The following EBF2 variants were observed in gnomAD, a reference collection of about 807,000 sequenced individuals.
EBF2 encodes EBF transcription factor 2, also known as transcription factor COE2.
EBF2 carries 21 observed loss-of-function variants against 72.8 expected under a neutral mutation model. That is an observed-to-expected ratio of 0.29 (90% CI 0.20 to 0.42). The LOEUF is 0.42. Ranked by LOEUF, EBF2 falls within the 10% of genes least tolerant of loss-of-function variation. EBF2 has a pLI of 1.00. For missense variants in EBF2, 637 were observed against 731.2 expected (o/e 0.87, Z 1.49); for synonymous variants, 299 against 274.2 (o/e 1.09, Z -0.89).
At chr8:25,986,102 A>G (rs886508889) in intron 6 of EBF2, among the ~76,000 whole-genome samples, 10 of 150,856 alleles carry the variant, frequency 6.6e-5, no homozygotes, top group African/African-American at 4.9e-5. Context: ...ATTTATTTGT[A>G]CAACACATAT....
intron 6 of EBF2, chr8:26,031,926 T>C (rs1805414005): frequency 6.6e-6 from 1 of 152,166 alleles, no homozygotes; most frequent in Non-Finnish European, 1.5e-5. Context: ...GCAACCCCAA[T>C]AGCTCCCTAA....
chr8:26,030,855 C>A (rs765983683), intron 6 of EBF2, among the ~76,000 whole-genome samples: 9 of 152,170 alleles, frequency 5.9e-5, no homozygotes, highest in Non-Finnish European at 1.3e-4. Context: ...GAATTTAAAG[C>A]ATGCTAGCAC....
intron 6 of EBF2, among the ~76,000 whole-genome samples, chr8:25,998,226 G>A (rs954223181): frequency 6.6e-6 from 1 of 152,162 alleles, no homozygotes; most frequent in Admixed American, 6.5e-5. Flanking sequence ...AGCTCACAGT[G>A]TCATGAAGGA....
chr8:25,846,475 C>A (rs1801838283), intron 15 of EBF2, among the ~76,000 whole-genome samples: 1 of 151,980 alleles, frequency 6.6e-6, no homozygotes, highest in African/African-American at 2.4e-5. Flanking sequence ...ATCGCTTGAG[C>A]CCAGGAGTTC....
At chr8:26,043,266 G>T (rs1324400092) in intron 1 of EBF2, among the ~76,000 whole-genome samples, 1 of 152,246 alleles carries the variant, frequency 6.6e-6, no homozygotes, top group African/African-American at 2.4e-5. Context: ...GCTGCCCTGC[G>T]GCGCTGGGGT....
At chr8:25,997,443 C>T (rs1432549209) in intron 6 of EBF2, among the ~76,000 whole-genome samples, 1 of 151,872 alleles carries the variant, frequency 6.6e-6, no homozygotes, top group Non-Finnish European at 1.5e-5. Context: ...TGATGGTGTG[C>T]ACCTGTAGTC....
chr8:25,999,212 T>C (rs1265361401), intron 6 of EBF2, among the ~76,000 whole-genome samples: 2 of 152,196 alleles, frequency 1.3e-5, no homozygotes, highest in Non-Finnish European at 2.9e-5. Flanking sequence ...TATTAAATTG[T>C]CTCTGAAATG....
intron 6 of EBF2, among the ~76,000 whole-genome samples, chr8:25,939,120 C>A (rs1297440963): frequency 6.6e-6 from 1 of 152,140 alleles, no homozygotes; most frequent in Non-Finnish European, 1.5e-5. Context: ...AATCAGCAAC[C>A]AAGGATGATA....
chr8:25,926,045 T>C (rs1389966286), intron 6 of EBF2, among the ~76,000 whole-genome samples: 2 of 152,100 alleles, frequency 1.3e-5, no homozygotes, highest in Non-Finnish European at 2.9e-5. Context: ...CAAGTCCCAA[T>C]AGGTGTTCTA....
In EBF2 at chr8:25,973,564, T is replaced by A. The variant is rs185638429; in HGVS notation, c.551+59521A>T. On this transcript the variant is annotated intron_variant, in intron 6 of 15. Transcript: ENST00000520164. ...TTTAAAAATGCAAACTACATTTTAA[T>A]AAAAGTTAACTTAAAAGAAAACAAA... 3.9e-3 allele frequency among the ~76,000 whole-genome samples: 595 copies of A among 152,368 alleles called. 20 individuals are homozygous for A. In the East Asian group the frequency reaches 0.095, roughly 24 times the overall value.
intron 6 of EBF2, among the ~76,000 whole-genome samples, chr8:26,024,847 T>G (rs1408223984): frequency 6.6e-6 from 1 of 152,148 alleles, no homozygotes; most frequent in Non-Finnish European, 1.5e-5. Context: ...GAGGTATTAT[T>G]AACACCATCA....
chr8:25,939,270 A>G (rs999926544), intron 6 of EBF2, among the ~76,000 whole-genome samples: 3 of 152,160 alleles, frequency 2.0e-5, no homozygotes, highest in African/African-American at 4.8e-5. Flanking sequence ...TATTTCTTCT[A>G]TGTTTACATA....
intron 6 of EBF2, among the ~76,000 whole-genome samples, chr8:25,917,265 C>T (rs1803234089): frequency 6.6e-6 from 1 of 150,530 alleles, no homozygotes; most frequent in Non-Finnish European, 1.5e-5. Context: ...TTCTATTCCT[C>T]GACACCATGA....
chr8:25,982,046 G>A (rs949483049), intron 6 of EBF2, among the ~76,000 whole-genome samples: 5 of 152,116 alleles, frequency 3.3e-5, no homozygotes, highest in East Asian at 1.9e-4. Flanking sequence ...CATTTGTCAC[G>A]GAGGGAGGTT....
intron 13 of EBF2, 56 bp downstream of exon 13, chr8:25,860,993 C>T: frequency 5.6e-6 from 9 of 1,607,218 alleles, no homozygotes; most frequent in Non-Finnish European, 7.7e-6. Context: ...CTGTCCACTC[C>T]AGCAGAACTT....
rs34778900 is a variant in EBF2, at chr8:25,915,608, GAAAAAA to G, written c.552-7059_552-7054del. Among the ~76,000 whole-genome samples the G allele has an allele frequency of 4.9e-4, 64 of 130,970 alleles. No individual in the cohort carries two copies. In the East Asian group the frequency reaches 8.6e-3, roughly 18 times the overall value. 85.9% of individuals were successfully genotyped at this position (130,970 alleles called of 152,430 possible). A position where few individuals can be genotyped will look rare whatever the true frequency, so the allele number is the denominator to read the frequency against. ...TAGCCCAAATAGCTTCAGCCTTTTG[GAAAAAA>G]AAAAAAAAAAAAGGTTACTCAAGTG... On this transcript the variant is annotated intron_variant, in intron 6 of 15. Transcript: ENST00000520164.
In EBF2 at chr8:25,907,419, CAAAAAAAAAAAAAAAAAAAAA is replaced by C. The variant is rs55695734; in HGVS notation, c.633+1034_633+1054del. 2.3e-3 allele frequency among the ~76,000 whole-genome samples: 66 copies of C among 28,912 alleles called. 2 individuals are homozygous for C. In the Middle Eastern group the frequency reaches 0.13, roughly 58 times the overall value. 19.0% of individuals were successfully genotyped at this position (28,912 alleles called of 152,430 possible). ...TAGGTGACAGAGTGAGACCCTGCCT[CAAAAAAAAAAAAAAAAAAAAA>C]AAAAAAAAAAAAATTATTCAGAATT... On this transcript the variant is annotated intron_variant, in intron 7 of 15. Transcript: ENST00000520164.
At chr8:25,848,573 C>T (rs1269182081) in intron 15 of EBF2, among the ~76,000 whole-genome samples, 1 of 152,146 alleles carries the variant, frequency 6.6e-6, no homozygotes, top group African/African-American at 2.4e-5. Context: ...AGAAACTTGT[C>T]CTGGCCCCAT....
At chr8:25,979,887 C>G (rs1033093849) in intron 6 of EBF2, among the ~76,000 whole-genome samples, 20 of 152,108 alleles carry the variant, frequency 1.3e-4, no homozygotes, top group African/African-American at 4.6e-4. Context: ...AACAATAACA[C>G]CCACCCAACC....
Sources: allele counts gnomAD v4.1 joint callset (sites outside exome capture counted in the v4.1 genomes callset), GRCh38; gene constraint gnomAD v4.1.1; transcripts MANE v1.5; gene names NCBI Gene and HGNC (gene_info 2026-07-23, HGNC 2026-07-21).